The following CDH13 variants were observed in gnomAD, a reference collection of about 807,000 sequenced individuals.
CDH13 encodes the protein cadherin-13.
In CDH13, 24 loss-of-function variants were observed where a neutral mutation model predicts 63.8. The observed-to-expected ratio is 0.38, with a 90% CI of 0.27 to 0.53. The LOEUF (loss-of-function observed/expected upper bound fraction) is 0.53, where lower values mean the gene tolerates loss of function less well. CDH13 is among the 20% of genes least tolerant of loss of function. CDH13 has a pLI of 0.85. For missense variants in CDH13, 1,049 were observed against 903.1 expected (o/e 1.16, Z -2.07); for synonymous variants, 503 against 355.3 (o/e 1.42, Z -4.67).
chr16:83,554,212 CACTT>C (rs1356112690), intron 7 of CDH13, among the ~76,000 whole-genome samples: 1 of 151,776 alleles, frequency 6.6e-6, no homozygotes, highest in African/African-American at 2.4e-5. Flanking sequence ...AAGCAGTGAA[CACTT>C]ACTTAAAAAA....
chr16:82,662,101 G>A (rs1912015276), intron 1 of CDH13, among the ~76,000 whole-genome samples: 1 of 152,208 alleles, frequency 6.6e-6, no homozygotes, highest in Admixed American at 6.5e-5. Context: ...ATGGTAGTAT[G>A]TCCATAGAAT....
chr16:83,198,589 G>A (rs1209771477), intron 4 of CDH13, among the ~76,000 whole-genome samples: 2 of 152,166 alleles, frequency 1.3e-5, no homozygotes, highest in Admixed American at 1.3e-4. Context: ...ACAAAATAAT[G>A]AGAAAGGGAC....
intron 2 of CDH13, among the ~76,000 whole-genome samples, chr16:82,960,983 C>T (rs112687770): frequency 1.3e-5 from 2 of 152,258 alleles, no homozygotes; most frequent in Admixed American, 6.5e-5. Flanking sequence ...TGGAATGTTC[C>T]ACATTGGGTT....
chr16:82,642,448 A>T (rs1909530488), intron 1 of CDH13, among the ~76,000 whole-genome samples: 1 of 152,248 alleles, frequency 6.6e-6, no homozygotes, highest in African/African-American at 2.4e-5. Context: ...TATGCAAGAT[A>T]TAATTTTATA....
rs528822210 is a variant in CDH13, at chr16:82,718,360, A to T, written c.45+91223A>T. ...AGCCTCTGTAGGGCACAGGTGAGTG[A>T]TGATGGGATTCACCGCTGACAGCTC... On this transcript the variant is annotated intron_variant, in intron 1 of 13. Coordinates refer to ENST00000567109, the MANE Select transcript of CDH13 (RefSeq NM_001257.5). Among the ~76,000 whole-genome samples, 4 of 152,254 alleles carry T rather than the reference A, an allele frequency of 2.6e-5. No homozygotes were observed. In the East Asian group the frequency reaches 7.7e-4, roughly 29 times the overall value.
chr16:83,309,614 A>T (rs756848065), intron 5 of CDH13, among the ~76,000 whole-genome samples: 1 of 152,094 alleles, frequency 6.6e-6, no homozygotes, highest in African/African-American at 2.4e-5. Context: ...TGACCTCGTG[A>T]TCCACCCACC....
intron 4 of CDH13, among the ~76,000 whole-genome samples, chr16:83,210,802 A>T (rs1230605355): frequency 2.0e-5 from 3 of 151,880 alleles, no homozygotes; most frequent in South Asian, 4.2e-4. Context: ...GAAACGCCAC[A>T]GTCACACATG....
chr16:83,556,533 C>G (rs1795165269), intron 7 of CDH13, among the ~76,000 whole-genome samples: 1 of 152,148 alleles, frequency 6.6e-6, no homozygotes, highest in African/African-American at 2.4e-5. Flanking sequence ...AATTGAACCT[C>G]GGAGGGGTCA....
chr16:83,131,125 A>G (rs2036025095), intron 4 of CDH13, among the ~76,000 whole-genome samples: 1 of 149,366 alleles, frequency 6.7e-6, no homozygotes, highest in Non-Finnish European at 1.5e-5. Flanking sequence ...CAACCCTGAG[A>G]TTCCAAATCA....
chr16:82,942,380 T>C, intron 2 of CDH13, among the ~76,000 whole-genome samples: 1 of 152,212 alleles, frequency 6.6e-6, no homozygotes, highest in Non-Finnish European at 1.5e-5. Context: ...CTTGTGCCAA[T>C]ATGAGGGTGG....
chr16:83,380,391 A>G (rs1378001833), intron 6 of CDH13, among the ~76,000 whole-genome samples: 1 of 152,172 alleles, frequency 6.6e-6, no homozygotes, highest in Non-Finnish European at 1.5e-5. Context: ...GCTGACTGTC[A>G]GCCCATTCAT....
intron 3 of CDH13, among the ~76,000 whole-genome samples, chr16:83,036,658 G>T (rs570769297): frequency 6.6e-6 from 1 of 152,122 alleles, no homozygotes; most frequent in Non-Finnish European, 1.5e-5. Context: ...GTGGCTGCCT[G>T]TAAATTCTGA....
In CDH13 at chr16:83,080,168, C is replaced by G. The variant is rs140724036; in HGVS notation, c.367-45217C>G. Reference sequence around the variant, plus strand: ...GTGATGTGATGATAAAGTGTTCTTTCTCTCTCGGTTCATCCATGGTGGGAA... The same window carrying G: ...GTGATGTGATGATAAAGTGTTCTTTGTCTCTCGGTTCATCCATGGTGGGAA... On this transcript the variant is annotated intron_variant, in intron 3 of 13. Transcript: ENST00000567109. 2.0e-3 allele frequency among the ~76,000 whole-genome samples: 299 copies of G among 152,202 alleles called. 1 individual carries two copies. The highest frequency in any genetic ancestry group is 6.6e-3 in the African/African-American group (275 of 41,538).
At position 82,630,233 on chromosome 16, in the gene CDH13, C is replaced by A. The variant is rs569823689; in HGVS notation, c.45+3096C>A. Among the ~76,000 whole-genome samples the A allele has an allele frequency of 2.1e-3, 314 of 152,254 alleles. 2 individuals carry two copies. Among genetic ancestry groups the A allele is most frequent in the Admixed American group, 4.6e-3 (70 of 15,300 alleles). ...TTGAAGAGGGTGCTGCCCCCTCCCC[C>A]CCTAGGGTCAATACATGACAGCCTG... On this transcript the variant is annotated intron_variant, in intron 1 of 13. Coordinates refer to ENST00000567109, the MANE Select transcript of CDH13 (RefSeq NM_001257.5).
intron 7 of CDH13, among the ~76,000 whole-genome samples, chr16:83,503,066 G>T (rs1268096728): frequency 6.6e-6 from 1 of 152,202 alleles, no homozygotes; most frequent in Admixed American, 6.5e-5. Flanking sequence ...CACAGAGAGA[G>T]GGGCTCCTTG....
At chr16:83,568,206 A>G (rs968235675) in intron 7 of CDH13, among the ~76,000 whole-genome samples, 9 of 152,170 alleles carry the variant, frequency 5.9e-5, no homozygotes, top group Admixed American at 5.9e-4. Context: ...AAAAAAGCTG[A>G]TCTGATGTAA....
intron 6 of CDH13, among the ~76,000 whole-genome samples, chr16:83,465,304 C>G (rs1042861019): frequency 1.3e-5 from 2 of 152,146 alleles, no homozygotes; most frequent in Admixed American, 1.3e-4. Flanking sequence ...AGCAACATAA[C>G]TGAGTGAGCT....
At chr16:83,222,064 GTCTCA>G (rs2039716195) in intron 5 of CDH13, among the ~76,000 whole-genome samples, 1 of 152,076 alleles carries the variant, frequency 6.6e-6, no homozygotes, top group Non-Finnish European at 1.5e-5. Context: ...TCAGATGATG[GTCTCA>G]TCTCATCTTC....
intron 2 of CDH13, among the ~76,000 whole-genome samples, chr16:82,926,945 T>C (rs1468514330): frequency 1.3e-5 from 2 of 152,228 alleles, no homozygotes; most frequent in African/African-American, 4.8e-5. Flanking sequence ...TACTCACAAA[T>C]GTGTCATTTG....
Sources: gnomAD v4.1 joint callset for allele counts (sites outside exome capture counted in the v4.1 genomes callset) on GRCh38, gnomAD v4.1.1 for gene constraint, MANE v1.5 for transcripts, NCBI Gene and HGNC (gene_info 2026-07-23, HGNC 2026-07-21) for gene names.